The following CAMK4 variants were observed in gnomAD, a reference collection of about 807,000 sequenced individuals.
The protein encoded by CAMK4 is calcium/calmodulin dependent protein kinase IV.
CAMK4 carries 22 observed loss-of-function variants against 44.9 expected under a neutral mutation model. The observed-to-expected ratio is 0.49, with a 90% CI of 0.35 to 0.70. The LOEUF (loss-of-function observed/expected upper bound fraction) is 0.70, where lower values mean the gene tolerates loss of function less well. Among genes scored for constraint, CAMK4 ranks in the 30% least tolerant of loss-of-function variants. The pLI is 0.01. For missense variants in CAMK4, 498 were observed against 586.8 expected (o/e 0.85, Z 1.56); for synonymous variants, 218 against 215.4 (o/e 1.01, Z -0.11).
rs1195181881 is a variant in CAMK4, at chr5:111,389,665, A to G, written c.387-5045A>G. ...AAAGCTCTAGCCTGGGTGAGTGACT[A>G]TGGGGAAAATCCACACTGTTTGTTG... On this transcript the variant is annotated intron_variant, in intron 4 of 10. Coordinates refer to ENST00000282356, the MANE Select transcript of CAMK4 (RefSeq NM_001744.6). Among the ~76,000 whole-genome samples, 4 of 152,320 alleles carry G rather than the reference A, an allele frequency of 2.6e-5. No individual in the cohort carries two copies. In the South Asian group the frequency reaches 8.3e-4, roughly 32 times the overall value.
At chr5:111,226,819 G>T (rs1410525437) in intron 1 of CAMK4, among the ~76,000 whole-genome samples, 2 of 152,192 alleles carry the variant, frequency 1.3e-5, no homozygotes, top group East Asian at 3.8e-4. Context: ...TTCAGGAAAA[G>T]ATCAAAATTT....
intron 1 of CAMK4, among the ~76,000 whole-genome samples, chr5:111,238,265 G>A (rs1387554964): frequency 1.3e-5 from 2 of 152,150 alleles, no homozygotes; most frequent in Admixed American, 1.3e-4. Context: ...CCATCTTATG[G>A]AATGAATGTT....
At chr5:111,353,120 A>C (rs1246017498) in intron 2 of CAMK4, among the ~76,000 whole-genome samples, 1 of 152,148 alleles carries the variant, frequency 6.6e-6, no homozygotes, top group Non-Finnish European at 1.5e-5. Flanking sequence ...AGGTACCTAA[A>C]TACAGAATCT....
chr5:111,442,717 TAC>T (rs958813460), intron 5 of CAMK4, among the ~76,000 whole-genome samples: 18 of 148,766 alleles, frequency 1.2e-4, no homozygotes, highest in Admixed American at 4.0e-4. Flanking sequence ...TTTTAGAAAA[TAC>T]AGTTATTTTT....
At chr5:111,405,677 A>G (rs1263723065) in intron 5 of CAMK4, among the ~76,000 whole-genome samples, 1 of 152,128 alleles carries the variant, frequency 6.6e-6, no homozygotes, top group Non-Finnish European at 1.5e-5. Flanking sequence ...ACTGGCCTGG[A>G]GGGGCTCAGG....
chr5:111,446,440 G>T (rs1561493140), intron 5 of CAMK4, among the ~76,000 whole-genome samples: 1 of 152,128 alleles, frequency 6.6e-6, no homozygotes. Flanking sequence ...ATTAGCTGAG[G>T]AGTAAATATT....
At chr5:111,450,839 TAAGA>T (rs1754205745) in intron 7 of CAMK4, among the ~76,000 whole-genome samples, 1 of 151,566 alleles carries the variant, frequency 6.6e-6, no homozygotes, top group Admixed American at 6.6e-5. Flanking sequence ...TATAGCGTCT[TAAGA>T]AATATTGTGT....
intron 1 of CAMK4, among the ~76,000 whole-genome samples, chr5:111,299,128 G>A (rs373693531): frequency 3.1e-4 from 47 of 152,234 alleles, no homozygotes; most frequent in African/African-American, 1.1e-3. Flanking sequence ...GAGGTGGAGT[G>A]TAAGGGAAAT....
At chr5:111,286,324 C>T (rs1751238791) in intron 1 of CAMK4, among the ~76,000 whole-genome samples, 1 of 152,096 alleles carries the variant, frequency 6.6e-6, no homozygotes, top group Non-Finnish European at 1.5e-5. Flanking sequence ...CATTTGGGAT[C>T]TCACAATACC....
At chr5:111,357,504 A>G (rs1300987244) in intron 2 of CAMK4, among the ~76,000 whole-genome samples, 2 of 152,020 alleles carry the variant, frequency 1.3e-5, no homozygotes, top group Non-Finnish European at 2.9e-5. Context: ...GTATTTTTTT[A>G]TGGTACAAAA....
intron 1 of CAMK4, among the ~76,000 whole-genome samples, chr5:111,282,391 T>G (rs945878962): frequency 6.6e-6 from 1 of 151,990 alleles, no homozygotes; most frequent in Non-Finnish European, 1.5e-5. Flanking sequence ...TTTGTATATA[T>G]TGCTCTTGGC....
intron 5 of CAMK4, among the ~76,000 whole-genome samples, chr5:111,437,858 G>A (rs904494554): frequency 1.1e-4 from 16 of 152,216 alleles, no homozygotes; most frequent in South Asian, 2.1e-4. Flanking sequence ...GGATAAAGTC[G>A]TGGAAAACCA....
chr5:111,338,485 C>A (rs181530237), intron 1 of CAMK4, among the ~76,000 whole-genome samples: 1 of 151,392 alleles, frequency 6.6e-6, no homozygotes. Context: ...TCCCATTTGT[C>A]AATTTTTGTT....
At chr5:111,262,899 C>T (rs1288043434) in intron 1 of CAMK4, among the ~76,000 whole-genome samples, 1 of 152,192 alleles carries the variant, frequency 6.6e-6, no homozygotes, top group African/African-American at 2.4e-5. Context: ...GTATTTATCA[C>T]ACAGACAGAT....
intron 1 of CAMK4, among the ~76,000 whole-genome samples, chr5:111,243,397 A>G (rs1417804389): frequency 2.6e-5 from 4 of 152,206 alleles, no homozygotes; most frequent in Admixed American, 6.5e-5. Context: ...GTAGTGGGTT[A>G]TTGCCAGATT....
chr5:111,248,162 T>G (rs578227136), intron 1 of CAMK4, among the ~76,000 whole-genome samples: 1 of 152,238 alleles, frequency 6.6e-6, no homozygotes, highest in Admixed American at 6.5e-5. Flanking sequence ...GTTTCTGTTC[T>G]GTTAAACTGT....
chr5:111,436,862 TC>T (rs1451840845), intron 5 of CAMK4, among the ~76,000 whole-genome samples: 1 of 152,016 alleles, frequency 6.6e-6, no homozygotes, highest in African/African-American at 2.4e-5. Flanking sequence ...TTCCCCAAAC[TC>T]CCCTGAGGCA....
At chr5:111,419,540 T>C (rs1435605521) in intron 5 of CAMK4, among the ~76,000 whole-genome samples, 1 of 152,214 alleles carries the variant, frequency 6.6e-6, no homozygotes, top group Non-Finnish European at 1.5e-5. Context: ...CTGAATGGTA[T>C]TGCCTAGGTT....
chr5:111,484,178 T>A lies in CAMK4; in HGVS notation c.1134T>A (p.Ile378=). The change falls in exon 11 of 11, where the codon ATT becomes ATA. Residue 378 remains isoleucine (I), a synonymous_variant. Transcript: ENST00000282356. This position sits in a 1 kb window ranked among gnomAD's most constrained non-coding sequence, Gnocchi z 5.3. ...AAGCTATTCCAGAAGGAGAGAAAAT[T>A]CAAGGCGATGGGGCCCAAGCCGCAG... The part of the protein sequence containing the change: ...DMKAIPEGEK[I]QGDGAQAAVK... 2.5e-6 allele frequency: 4 copies of A among 1,614,070 alleles called. No individual in the cohort carries two copies. Among genetic ancestry groups the A allele is most frequent in the Non-Finnish European group, 3.4e-6 (4 of 1,179,980 alleles).
Sources: gnomAD v4.1 joint callset for allele counts (sites outside exome capture counted in the v4.1 genomes callset) on GRCh38, gnomAD v4.1.1 for gene constraint, Gnocchi (gnomAD v3.1) non-coding constraint, MANE v1.5 for transcripts, NCBI Gene and HGNC (gene_info 2026-07-23, HGNC 2026-07-21) for gene names.